FAM135B: variants seen among roughly 807,000 people sequenced by gnomAD.
FAM135B encodes family with sequence similarity 135 member B.
A neutral mutation model predicts 127.7 loss-of-function variants in FAM135B; 43 were observed. The observed-to-expected ratio is 0.34, with a 90% CI of 0.26 to 0.43. FAM135B has a LOEUF of 0.43. Ranked by LOEUF, FAM135B falls within the 20% of genes least tolerant of loss-of-function variation. The pLI is 1.00. For synonymous variants in FAM135B, 670 were observed against 665.1 expected, an observed-to-expected ratio of 1.01 and a Z score of -0.11; for missense variants, 1,558 against 1,725.6, an observed-to-expected ratio of 0.90 and a Z score of 1.72.
chr8:138,180,989 C>T (rs1357715878), intron 9 of FAM135B, among the ~76,000 whole-genome samples: 1 of 152,020 alleles, frequency 6.6e-6, no homozygotes, highest in Non-Finnish European at 1.5e-5. Context: ...ACCTGTAATC[C>T]CAGAACTTTG....
At chr8:138,488,510 G>A (rs1320769538) in intron 1 of FAM135B, among the ~76,000 whole-genome samples, 1 of 152,138 alleles carries the variant, frequency 6.6e-6, no homozygotes, top group Non-Finnish European at 1.5e-5. Context: ...CTACAAAGAG[G>A]GGACTTAGGT....
chr8:138,188,337 G>A (rs1213173527), intron 9 of FAM135B, among the ~76,000 whole-genome samples: 1 of 152,168 alleles, frequency 6.6e-6, no homozygotes, highest in Non-Finnish European at 1.5e-5. Flanking sequence ...CTCACAACCT[G>A]CACCTCAAGT....
intron 12 of FAM135B, among the ~76,000 whole-genome samples, chr8:138,156,039 GATGGAAGT>G (rs1175141342): frequency 2.0e-5 from 3 of 152,064 alleles, no homozygotes; most frequent in Non-Finnish European, 4.4e-5. Flanking sequence ...TGACCAAATA[GATGGAAGT>G]AAAGCACTCC....
chr8:138,293,866 A>C (rs917491353), intron 3 of FAM135B, among the ~76,000 whole-genome samples: 1 of 152,204 alleles, frequency 6.6e-6, no homozygotes, highest in African/African-American at 2.4e-5. Flanking sequence ...AAGTAGGCCT[A>C]CCGTTTGACC....
intron 7 of FAM135B, among the ~76,000 whole-genome samples, chr8:138,227,901 C>T (rs1215858253): frequency 1.3e-5 from 2 of 151,952 alleles, no homozygotes; most frequent in African/African-American, 4.8e-5. Context: ...AGGTGAACTG[C>T]AATGAAAAAA....
In FAM135B at chr8:138,351,102, C is replaced by T. The variant is rs367930958; in HGVS notation, c.77+16805G>A. On this transcript the variant is annotated intron_variant, in intron 2 of 19. Transcript: ENST00000395297. ...AAATTTTGTTACTTCACATATAAGG[C>T]ATGCCTTTTTATGCTTTTCCAAATT... Among the ~76,000 whole-genome samples the T allele has an allele frequency of 9.2e-5, 14 of 152,286 alleles. No homozygotes were observed. In the East Asian group the frequency reaches 1.5e-3, roughly 17 times the overall value.
intron 2 of FAM135B, among the ~76,000 whole-genome samples, chr8:138,317,468 GA>G (rs1300295290): frequency 6.6e-6 from 1 of 152,154 alleles, no homozygotes; most frequent in Admixed American, 6.5e-5. Context: ...TCCTGACTGT[GA>G]AATTGTACCA....
At chr8:138,402,471 G>C (rs980084080) in intron 1 of FAM135B, among the ~76,000 whole-genome samples, 1 of 152,144 alleles carries the variant, frequency 6.6e-6, no homozygotes, top group Admixed American at 6.6e-5. Context: ...CCACAATTCT[G>C]TTATGTCTGC....
chr8:138,244,195 A>G (rs1165260172), intron 6 of FAM135B, among the ~76,000 whole-genome samples: 2 of 152,186 alleles, frequency 1.3e-5, no homozygotes, highest in Non-Finnish European at 2.9e-5. Flanking sequence ...CACAGCCTTC[A>G]CCTTAAAGAC....
At chr8:138,269,725 T>C (rs1823228004) in intron 3 of FAM135B, among the ~76,000 whole-genome samples, 1 of 152,222 alleles carries the variant, frequency 6.6e-6, no homozygotes. Context: ...GACTACAGAA[T>C]CCGAGCTCCA....
At position 138,152,992 on chromosome 8, in the gene FAM135B, A is replaced by T; in HGVS notation, c.1483T>A (p.Cys495Ser). 6.2e-7 allele frequency: 1 copy of T among 1,614,218 alleles called. No individual in the cohort carries two copies. Reference sequence around the variant, plus strand: ...GATATATACACCTGAGATTCAGAGCACATGTCCATATGATTTTGTGTGGCC... The same window carrying T: ...GATATATACACCTGAGATTCAGAGCTCATGTCCATATGATTTTGTGTGGCC... The part of the protein sequence containing the change: ...NVATQNHMDM[C>S]SESQVYISIG... Residue 495 changes from cysteine to serine, a missense_variant, in exon 13 of 20, where the codon TGC becomes AGC. Coordinates refer to ENST00000395297, the MANE Select transcript of FAM135B (RefSeq NM_015912.4).
intron 1 of FAM135B, among the ~76,000 whole-genome samples, chr8:138,432,289 G>A (rs1435118693): frequency 1.3e-5 from 2 of 152,172 alleles, no homozygotes; most frequent in African/African-American, 4.8e-5. Flanking sequence ...TGAATGATAA[G>A]AATGAACAGG....
chr8:138,429,740 G>A (rs1835094376), intron 1 of FAM135B, among the ~76,000 whole-genome samples: 1 of 152,154 alleles, frequency 6.6e-6, no homozygotes, highest in South Asian at 2.1e-4. Flanking sequence ...GATGTTGGCG[G>A]CCAGTCCAGA....
rs934667400 is a variant in FAM135B at position 138,370,822 on chromosome 8, T to C, written c.-19-2820A>G. Among the ~76,000 whole-genome samples, 7 of 152,192 alleles carry C rather than the reference T, an allele frequency of 4.6e-5. No individual in the cohort carries two copies. In the East Asian group the frequency reaches 7.7e-4, roughly 17 times the overall value. On this transcript the variant is annotated intron_variant, in intron 1 of 19. Coordinates refer to ENST00000395297, the MANE Select transcript of FAM135B (RefSeq NM_015912.4). ...CCTTGGTCCACTTTGTGGTCAGAAA[T>C]CTAGAGCCATTTGTCTTGGTCCCAA...
At chr8:138,194,034 CCG>C in intron 9 of FAM135B, among the ~76,000 whole-genome samples, 1 of 152,206 alleles carries the variant, frequency 6.6e-6, no homozygotes, top group South Asian at 2.1e-4. Flanking sequence ...CATCCACACA[CCG>C]TCAATGCTGC....
chr8:138,474,149 T>A (rs1294173044), intron 1 of FAM135B, among the ~76,000 whole-genome samples: 1 of 152,186 alleles, frequency 6.6e-6, no homozygotes, highest in Non-Finnish European at 1.5e-5. Flanking sequence ...TTCCTTGCAG[T>A]GCAGCGAGTT....
At chr8:138,455,367 T>C (rs1040261052) in intron 1 of FAM135B, among the ~76,000 whole-genome samples, 4 of 152,232 alleles carry the variant, frequency 2.6e-5, no homozygotes, top group Non-Finnish European at 5.9e-5. Context: ...TTTCATATTC[T>C]TCATGTTCCA....
At chr8:138,449,432 T>A (rs1836371961) in intron 1 of FAM135B, among the ~76,000 whole-genome samples, 1 of 151,854 alleles carries the variant, frequency 6.6e-6, no homozygotes, top group South Asian at 2.1e-4. Flanking sequence ...AGCTCAGAGC[T>A]GTCAAATTGT....
chr8:138,171,617 T>C (rs1820457676), intron 11 of FAM135B, among the ~76,000 whole-genome samples: 2 of 152,224 alleles, frequency 1.3e-5, no homozygotes, highest in Admixed American at 6.5e-5. Flanking sequence ...ACATGGCATA[T>C]GCAGGGAACT....
Sources: allele counts gnomAD v4.1 joint callset (sites outside exome capture counted in the v4.1 genomes callset), GRCh38; gene constraint gnomAD v4.1.1; transcripts MANE v1.5; gene names NCBI Gene and HGNC (gene_info 2026-07-23, HGNC 2026-07-21).